The following SMYD2 variants were observed in gnomAD, a reference collection of about 807,000 sequenced individuals.
The protein encoded by SMYD2 is SET and MYND domain containing 2.
A neutral mutation model predicts 59.1 loss-of-function variants in SMYD2; 53 were observed. That is an observed-to-expected ratio of 0.90 (90% CI 0.72 to 1.13). The LOEUF (loss-of-function observed/expected upper bound fraction) is 1.13. Among genes scored for constraint, SMYD2 ranks in the 50% most tolerant of loss-of-function variants. The pLI is 0.00. For synonymous variants in SMYD2, 208 were observed against 198.8 expected, an observed-to-expected ratio of 1.05 and a Z score of -0.39; for missense variants, 494 against 544.7, an observed-to-expected ratio of 0.91 and a Z score of 0.93.
chr1:214,328,433 C>T (rs966501654), intron 7 of SMYD2, among the ~76,000 whole-genome samples: 4 of 150,116 alleles, frequency 2.7e-5, no homozygotes, highest in Admixed American at 1.3e-4. Flanking sequence ...CTCAGCGATT[C>T]CCTGTTCCCT....
At chr1:214,281,653 CCTGCA>C (rs1335749643) in intron 1 of SMYD2, among the ~76,000 whole-genome samples, 1 of 152,206 alleles carries the variant, frequency 6.6e-6, no homozygotes, top group Non-Finnish European at 1.5e-5. Flanking sequence ...CGCTGCACGC[CCTGCA>C]CTGCACGTTT....
In SMYD2 at chr1:214,318,476, C is replaced by T. The variant is rs1050761209; in HGVS notation, c.409+337C>T. ...AAATAGCTGATGTTCTTACTGAAAG[C>T]CGTGAAATCAGGGGTTGTCCAGTTG... is the stretch of plus-strand genomic sequence containing the variant. On this transcript the variant is annotated intron_variant, in intron 4 of 11. Transcript: ENST00000366957. The surrounding 1 kb of genome is among the most constrained non-coding windows in gnomAD (Gnocchi z 5.4). Among the ~76,000 whole-genome samples, 1 of 152,140 alleles carries T rather than the reference C, an allele frequency of 6.6e-6. No individual in the cohort carries two copies. Among genetic ancestry groups the T allele is most frequent in the Non-Finnish European group, 1.5e-5 (1 of 68,030 alleles).
intron 1 of SMYD2, among the ~76,000 whole-genome samples, chr1:214,300,330 G>A (rs530037508): frequency 3.9e-5 from 6 of 152,120 alleles, no homozygotes; most frequent in Non-Finnish European, 7.4e-5. Context: ...GTAGGCTCAC[G>A]ATACTGAATG....
At chr1:214,314,377 G>A (rs1240008101) in intron 2 of SMYD2, among the ~76,000 whole-genome samples, 3 of 152,110 alleles carry the variant, frequency 2.0e-5, no homozygotes, top group Non-Finnish European at 4.4e-5. Context: ...AAGCCAGAGC[G>A]GAACTGTGAG....
chr1:214,324,031 G>T (rs762155311), intron 5 of SMYD2, among the ~76,000 whole-genome samples: 34 of 152,184 alleles, frequency 2.2e-4, no homozygotes, highest in Non-Finnish European at 4.9e-4. Flanking sequence ...GGGTTCAAAT[G>T]ATTCTCCTGC....
intron 1 of SMYD2, among the ~76,000 whole-genome samples, chr1:214,283,432 G>A (rs935004049): frequency 1.3e-5 from 2 of 152,064 alleles, no homozygotes; most frequent in African/African-American, 2.4e-5. Context: ...GTCAATACCC[G>A]TAGTTTATTT....
chr1:214,318,031 T>C lies in SMYD2; in HGVS notation c.349-48T>C, dbSNP rs926590756. The C allele has an allele frequency of 3.3e-6, 5 of 1,533,364 alleles. No individual in the cohort carries two copies. Among genetic ancestry groups the C allele is most frequent in the Middle Eastern group, 1.7e-4 (1 of 5,902 alleles). The allele number at this position is 1,533,364 out of a possible 1,614,324, so 95.0% of individuals were successfully genotyped here. On this transcript the variant is annotated intron_variant, in intron 3 of 11. Transcript: ENST00000366957. This position sits in a 1 kb window ranked among gnomAD's most constrained non-coding sequence, Gnocchi z 5.4. ...AAGTGAAAGTGCCACTTTATTACAC[T>C]GGTTGTTAAAAAATCTGTATCTGTG...
chr1:214,321,001 A>C (rs1222616534), intron 5 of SMYD2, among the ~76,000 whole-genome samples: 1 of 152,238 alleles, frequency 6.6e-6, no homozygotes, highest in African/African-American at 2.4e-5. Flanking sequence ...GAAAGCAGAG[A>C]GATGAAATAA....
chr1:214,322,223 C>T (rs923157370), intron 5 of SMYD2, among the ~76,000 whole-genome samples: 1 of 152,188 alleles, frequency 6.6e-6, no homozygotes, highest in Non-Finnish European at 1.5e-5. Flanking sequence ...TGGTAGTACT[C>T]AGTCTGAGAT....
rs1272719775 is a variant in SMYD2, at chr1:214,312,658, G to T, written c.238-2104G>T. ...CAGAGCAAGTGCGAAGGGCCTTGAG[G>T]CAGGTACATGGCTCCAGGCGCAGCC... On this transcript the variant is annotated intron_variant, in intron 2 of 11. Coordinates refer to ENST00000366957, the MANE Select transcript of SMYD2 (RefSeq NM_020197.3). The surrounding 1 kb of genome is among the most constrained non-coding windows in gnomAD (Gnocchi z 4.1). Among the ~76,000 whole-genome samples, 1 of 152,184 alleles carries T rather than the reference G, an allele frequency of 6.6e-6. No homozygotes were observed. The highest frequency in any genetic ancestry group is 2.4e-5 in the African/African-American group (1 of 41,452).
At chr1:214,281,926 G>GTAAAGTACGCTTACATGT (rs1299644645) in intron 1 of SMYD2, among the ~76,000 whole-genome samples, 1 of 152,212 alleles carries the variant, frequency 6.6e-6, no homozygotes, top group Non-Finnish European at 1.5e-5. Flanking sequence ...TATATGTCTT[G>GTAAAGTACGCTTACATGT]TAAAGTACGC....
chr1:214,307,372 G>A (rs779568657), intron 2 of SMYD2, among the ~76,000 whole-genome samples: 5 of 152,184 alleles, frequency 3.3e-5, no homozygotes, highest in Admixed American at 6.5e-5. Flanking sequence ...CAGGAAAATC[G>A]AATTTGTGTA....
At chr1:214,297,003 A>G (rs1356629144) in intron 1 of SMYD2, among the ~76,000 whole-genome samples, 3 of 152,238 alleles carry the variant, frequency 2.0e-5, no homozygotes, top group Admixed American at 2.0e-4. Flanking sequence ...CCTGTGATTC[A>G]TTCTTAAGAA....
chr1:214,282,214 G>T (rs572197972), intron 1 of SMYD2, among the ~76,000 whole-genome samples: 1 of 152,302 alleles, frequency 6.6e-6, no homozygotes, highest in South Asian at 2.1e-4. Flanking sequence ...ACTCTTATGA[G>T]AGTTTCAGAG....
intron 1 of SMYD2, among the ~76,000 whole-genome samples, chr1:214,304,114 A>G (rs1656876735): frequency 6.6e-6 from 1 of 152,236 alleles, no homozygotes; most frequent in African/African-American, 2.4e-5. Context: ...GGAAGCAACA[A>G]TGTCCCTGTC....
At chr1:214,285,901 A>G (rs1013392818) in intron 1 of SMYD2, among the ~76,000 whole-genome samples, 1 of 152,260 alleles carries the variant, frequency 6.6e-6, no homozygotes, top group African/African-American at 2.4e-5. Context: ...TACTGTAGGC[A>G]GTTGTAACAC....
intron 1 of SMYD2, among the ~76,000 whole-genome samples, chr1:214,291,965 A>T (rs887695441): frequency 5.9e-5 from 9 of 152,186 alleles, no homozygotes; most frequent in African/African-American, 2.2e-4. Context: ...TTTAACTTTA[A>T]AACATTCAGG....
In SMYD2 at chr1:214,337,119, A is replaced by G; in HGVS notation, c.*335A>G. On this transcript the variant is annotated 3_prime_UTR_variant, in exon 12 of 12. Transcript: ENST00000366957. ...CAAACTTGAATGATGAAAGTATTAAAGAGATATCAGTATTTGAGGTTTGTA... is the reference window on the plus strand; with the variant it reads ...CAAACTTGAATGATGAAAGTATTAAGGAGATATCAGTATTTGAGGTTTGTA... 1 of 194,224 alleles carries G rather than the reference A, an allele frequency of 5.1e-6. No individual in the cohort carries two copies. Among genetic ancestry groups the G allele is most frequent in the East Asian group, 1.6e-4 (1 of 6,202 alleles). The allele number at this position is 194,224 out of a possible 1,614,324, so 12.0% of individuals were successfully genotyped here.
chr1:214,306,328 T>C (rs1656915124), intron 2 of SMYD2, among the ~76,000 whole-genome samples: 2 of 152,088 alleles, frequency 1.3e-5, no homozygotes, highest in South Asian at 4.2e-4. Context: ...TCAAAGAGCA[T>C]TATTTAGCAG....
Sources: allele counts gnomAD v4.1 joint callset (sites outside exome capture counted in the v4.1 genomes callset), GRCh38; gene constraint gnomAD v4.1.1; non-coding constraint Gnocchi (gnomAD v3.1); transcripts MANE v1.5; gene names NCBI Gene and HGNC (gene_info 2026-07-23, HGNC 2026-07-21).